Variants in RYR2 observed in about 807,000 individuals in gnomAD.
RYR2 encodes ryanodine receptor 2.
In RYR2, 227 loss-of-function variants were observed where a neutral mutation model predicts 601.1. The observed-to-expected ratio is 0.38, with a 90% CI of 0.34 to 0.42. The LOEUF is 0.42. Among genes scored for constraint, RYR2 ranks in the 10% least tolerant of loss-of-function variants. The pLI is 1.00. For synonymous variants in RYR2, 2,223 were observed against 2,175.1 expected, an observed-to-expected ratio of 1.02 and a Z score of -0.61; for missense variants, 4,646 against 6,156.5, an observed-to-expected ratio of 0.75 and a Z score of 8.21.
At position 237,795,551 on chromosome 1, in the gene RYR2, A is replaced by G. The variant is rs570255920; in HGVS notation, c.13956+220A>G. Among the ~76,000 whole-genome samples the G allele has an allele frequency of 3.7e-4, 57 of 152,002 alleles. No individual in the cohort carries two copies. In the East Asian group the frequency reaches 9.7e-3, roughly 26 times the overall value. On this transcript the variant is annotated intron_variant, in intron 96 of 104. Transcript: ENST00000366574. ...ACTGCAACCTCAGCTGCCCAGTTCA[A>G]GCAATTCTCCTGCCTCAGTCTCCCG...
At chr1:237,671,012 G>A (rs1056916326) in intron 58 of RYR2, among the ~76,000 whole-genome samples, 6 of 152,076 alleles carry the variant, frequency 3.9e-5, no homozygotes, top group East Asian at 1.9e-4. Context: ...CATACCACTC[G>A]TAAATGGCAC....
At position 237,180,848 on chromosome 1, in the gene RYR2, G is replaced by A. The variant is rs11804914; in HGVS notation, c.49-89649G>A. Among the ~76,000 whole-genome samples the A allele has an allele frequency of 0.53, 78,214 of 147,070 alleles. 21,288 individuals are homozygous for A. Among genetic ancestry groups the A allele is most frequent in the East Asian group, 0.66 (3,395 of 5,116 alleles). On this transcript the variant is annotated intron_variant, in intron 1 of 104. Coordinates refer to ENST00000366574, the MANE Select transcript of RYR2 (RefSeq NM_001035.3). This position sits in a 1 kb window ranked among gnomAD's most constrained non-coding sequence, Gnocchi z 5.3. ...GTAAATATATATCAATATTAATAAA[G>A]TATATATTTATACTAATTAAATATA...
rs1278527244 is a variant in RYR2 at position 237,400,007 on chromosome 1, C to G, written c.773+11824C>G. On this transcript the variant is annotated intron_variant, in intron 10 of 104. Transcript: ENST00000366574. ...GATTTCTTGTGTCTTACACCAGGATCTTACACAAATGATAAAATGGTTTAG... is the reference window on the plus strand; with the variant it reads ...GATTTCTTGTGTCTTACACCAGGATGTTACACAAATGATAAAATGGTTTAG... Among the ~76,000 whole-genome samples, 5 of 151,510 alleles carry G rather than the reference C, an allele frequency of 3.3e-5. No individual in the cohort carries two copies. The South Asian group carries it at 1.1e-3, about 32-fold the overall frequency.
At chr1:237,473,508 G>A (rs1404952384) in intron 17 of RYR2, among the ~76,000 whole-genome samples, 2 of 130,764 alleles carry the variant, frequency 1.5e-5, no homozygotes, top group Non-Finnish European at 1.7e-5. Context: ...AATTAGATCT[G>A]TCCGTCCAAT....
intron 47 of RYR2, among the ~76,000 whole-genome samples, 169 bp downstream of exon 47, chr1:237,641,171 G>A (rs372651723): frequency 1.3e-5 from 2 of 152,250 alleles, no homozygotes; most frequent in Admixed American, 1.3e-4. Context: ...GAAATGTCTC[G>A]TTGGTTGTAA....
intron 2 of RYR2, among the ~76,000 whole-genome samples, chr1:237,281,446 T>C (rs1199014395): frequency 1.3e-5 from 2 of 152,066 alleles, no homozygotes; most frequent in Non-Finnish European, 2.9e-5. Context: ...GTCTAAGAGA[T>C]CTCCATTAAT....
At chr1:237,105,383 G>A (rs73115917) in intron 1 of RYR2, among the ~76,000 whole-genome samples, 2,010 of 152,230 alleles carry the variant, frequency 0.013, 41 homozygotes, top group African/African-American at 0.043. Context: ...GGTGATGGAG[G>A]GAATGAGTGG....
At chr1:237,593,291 A>G (rs1173885032) in intron 32 of RYR2, among the ~76,000 whole-genome samples, 185 bp from the exon 33 acceptor site, 1 of 152,148 alleles carries the variant, frequency 6.6e-6, no homozygotes, top group Non-Finnish European at 1.5e-5. Context: ...TCTCTGGTAA[A>G]AGACGTTTCT....
At chr1:237,534,342 C>T (rs1668404969) in intron 25 of RYR2, among the ~76,000 whole-genome samples, 1 of 151,864 alleles carries the variant, frequency 6.6e-6, no homozygotes, top group African/African-American at 2.4e-5. Flanking sequence ...AGTAGATTTT[C>T]AAAAAGAAAT....
Position 237,148,134 on chromosome 1 carries a change from G to A in RYR2, c.48+105565G>A, listed in dbSNP as rs573788211. ...ATGGGCCTGCAGATGGACTTCGGCT[G>A]AAGTGTTCAGGGTCTCATCAAGTCA... On this transcript the variant is annotated intron_variant, in intron 1 of 104. Transcript: ENST00000366574. Among the ~76,000 whole-genome samples, 9 of 152,304 alleles carry A rather than the reference G, an allele frequency of 5.9e-5. No individual in the cohort carries two copies. In the East Asian group the frequency reaches 1.7e-3, roughly 29 times the overall value.
At chr1:237,816,223 C>T (rs1661807283) in intron 100 of RYR2, among the ~76,000 whole-genome samples, 1 of 152,124 alleles carries the variant, frequency 6.6e-6, no homozygotes, top group Non-Finnish European at 1.5e-5. Flanking sequence ...ACTGAGTCCC[C>T]AGAGAAATCC....
chr1:237,125,958 C>T (rs186095132), intron 1 of RYR2, among the ~76,000 whole-genome samples: 34 of 152,268 alleles, frequency 2.2e-4, no homozygotes, highest in African/African-American at 7.2e-4. Context: ...AAACTGAGGC[C>T]GGGCACAGTG....
rs144105011 is a variant in RYR2, at chr1:237,803,269, T to G, written c.14151+1353T>G. 2.5e-3 allele frequency among the ~76,000 whole-genome samples: 384 copies of G among 152,220 alleles called. 1 individual carries two copies. Among genetic ancestry groups the G allele is most frequent in the Non-Finnish European group, 3.3e-3 (227 of 68,014 alleles). On this transcript the variant is annotated intron_variant, in intron 98 of 104. Transcript: ENST00000366574. Reference sequence around the variant, plus strand: ...CTTGTCACTTAGGTCGTTACTCATCTTATGCCCATAAATTTTCCTTTTCCT... The same window carrying G: ...CTTGTCACTTAGGTCGTTACTCATCGTATGCCCATAAATTTTCCTTTTCCT...
intron 36 of RYR2, among the ~76,000 whole-genome samples, chr1:237,611,846 G>A (rs1285764364): frequency 2.6e-5 from 4 of 151,960 alleles, no homozygotes. Flanking sequence ...TTTAACCTAT[G>A]CTTTGGAAAA....
At chr1:237,579,624 A>G (rs1673669655) in intron 29 of RYR2, among the ~76,000 whole-genome samples, 1 of 152,198 alleles carries the variant, frequency 6.6e-6, no homozygotes, top group African/African-American at 2.4e-5. Context: ...TTAATTTAAT[A>G]GGAAAAAAGT....
At chr1:237,587,825 G>A (rs1326527451) in intron 29 of RYR2, among the ~76,000 whole-genome samples, 1 of 152,134 alleles carries the variant, frequency 6.6e-6, no homozygotes, top group African/African-American at 2.4e-5. Context: ...GATATTTACA[G>A]CTATCCAATA....
At chr1:237,682,453 G>T (rs754398960) in intron 62 of RYR2, among the ~76,000 whole-genome samples, 8 of 152,066 alleles carry the variant, frequency 5.3e-5, no homozygotes, top group Non-Finnish European at 1.0e-4. Flanking sequence ...CCACATGTAT[G>T]ATAGTGGCCC....
intron 17 of RYR2, among the ~76,000 whole-genome samples, chr1:237,488,114 C>A (rs1662900596): frequency 6.6e-6 from 1 of 152,016 alleles, no homozygotes; most frequent in African/African-American, 2.4e-5. Flanking sequence ...ACTCTATGGG[C>A]CTTCATGAGT....
At position 237,259,909 on chromosome 1, in the gene RYR2, G is replaced by T. The variant is rs558123846; in HGVS notation, c.49-10588G>T. 7.9e-5 allele frequency among the ~76,000 whole-genome samples: 12 copies of T among 152,282 alleles called. No individual in the cohort carries two copies. In the South Asian group the frequency reaches 2.5e-3, roughly 32 times the overall value. ...ATTATTCTGTAATATCACCACATTA[G>T]GAATATGAATCACTGTCAAATAGCA... On this transcript the variant is annotated intron_variant, in intron 1 of 104. Coordinates refer to ENST00000366574, the MANE Select transcript of RYR2 (RefSeq NM_001035.3).
Sources: allele counts gnomAD v4.1 joint callset (sites outside exome capture counted in the v4.1 genomes callset), GRCh38; gene constraint gnomAD v4.1.1; non-coding constraint Gnocchi (gnomAD v3.1); transcripts MANE v1.5; gene names NCBI Gene and HGNC (gene_info 2026-07-23, HGNC 2026-07-21).